Variants in QTGAL observed in about 807,000 individuals in gnomAD.
The protein encoded by QTGAL is BGnT-like protein 1.
chr17:82,995,361 C>CA, the QTGAL span, among the ~76,000 whole-genome samples: 3 of 151,746 alleles, frequency 2.0e-5, no homozygotes, highest in African/African-American at 4.8e-5. Flanking sequence ...AATCAACATA[C>CA]AAAAGTCAGT....
At chr17:82,974,465 C>T in the QTGAL span, among the ~76,000 whole-genome samples, 6 of 152,196 alleles carry the variant, frequency 3.9e-5, no homozygotes, top group African/African-American at 1.2e-4. Flanking sequence ...TCAGGCGGGG[C>T]GGAGTCAGGG....
the QTGAL span, among the ~76,000 whole-genome samples, chr17:83,027,692 ACG>A: frequency 8.6e-6 from 1 of 116,346 alleles, no homozygotes. Context: ...ACAAAGTGAG[ACG>A]CTCTCAAAAA....
At chr17:82,961,076 C>T in the QTGAL span, 36 of 1,609,842 alleles carry the variant, frequency 2.2e-5, no homozygotes, top group Non-Finnish European at 3.1e-5. Context: ...CAGTGCGTGG[C>T]CGCCTGTGGG....
At chr17:82,964,802 T>C in the QTGAL span, among the ~76,000 whole-genome samples, 24,874 of 34,838 alleles carry the variant, frequency 0.71, 9,247 homozygotes, top group Admixed American at 0.76. Flanking sequence ...CACGGGGGGA[T>C]GGGGACACGG....
the QTGAL span, among the ~76,000 whole-genome samples, chr17:83,032,430 G>A: frequency 3.3e-5 from 2 of 59,960 alleles, no homozygotes; most frequent in Non-Finnish European, 6.2e-5. Context: ...GGCCTCCGAC[G>A]CAGACCGAAC....
the QTGAL span, among the ~76,000 whole-genome samples, chr17:82,956,204 G>T: frequency 6.6e-6 from 1 of 151,888 alleles, no homozygotes; most frequent in African/African-American, 2.4e-5. This position sits in a 1 kb window ranked among gnomAD's most constrained non-coding sequence, Gnocchi z 5.7. Flanking sequence ...CCCGCAGCCA[G>T]CCTGGACTCC....
the QTGAL span, among the ~76,000 whole-genome samples, chr17:82,971,063 C>CAT: frequency 6.6e-6 from 1 of 152,108 alleles, no homozygotes; most frequent in Non-Finnish European, 1.5e-5. Flanking sequence ...CTGTGGGAGG[C>CAT]ATTCATCCGT....
the QTGAL span, among the ~76,000 whole-genome samples, chr17:82,966,877 C>T: frequency 9.2e-5 from 14 of 152,170 alleles, no homozygotes; most frequent in African/African-American, 3.1e-4. Flanking sequence ...GCAAAGAAAA[C>T]GAAAAGATAA....
the QTGAL span, chr17:82,956,684 C>A: frequency 5.1e-6 from 8 of 1,565,754 alleles, no homozygotes; most frequent in Non-Finnish European, 6.9e-6. This position sits in a 1 kb window ranked among gnomAD's most constrained non-coding sequence, Gnocchi z 5.7. Flanking sequence ...GGCCAAGGGC[C>A]CCACACTCAC....
At chr17:83,027,041 G>C in the QTGAL span, among the ~76,000 whole-genome samples, 1 of 139,270 alleles carries the variant, frequency 7.2e-6, no homozygotes, top group Non-Finnish European at 1.5e-5. Flanking sequence ...ACCCACCCTC[G>C]ACAGACACGC....
the QTGAL span, among the ~76,000 whole-genome samples, chr17:83,042,597 G>A: frequency 6.6e-6 from 1 of 152,106 alleles, no homozygotes; most frequent in Non-Finnish European, 1.5e-5. Context: ...TCGGAAATAA[G>A]CAATTAAACA....
the QTGAL span, chr17:83,005,726 C>G: frequency 1.3e-6 from 1 of 747,194 alleles, no homozygotes; most frequent in Non-Finnish European, 2.3e-6. The surrounding 1 kb of genome is among the most constrained non-coding windows in gnomAD (Gnocchi z 5.6). Flanking sequence ...CGACAACCCT[C>G]TCCCCGGGCA....
chr17:83,011,805 T>C, the QTGAL span, among the ~76,000 whole-genome samples: 3 of 152,216 alleles, frequency 2.0e-5, no homozygotes, highest in Non-Finnish European at 4.4e-5. Context: ...AAATTAAGCT[T>C]GTCTTATTAC....
chr17:83,050,237 G>T, the QTGAL span, among the ~76,000 whole-genome samples: 2 of 152,166 alleles, frequency 1.3e-5, no homozygotes, highest in Admixed American at 6.5e-5. Context: ...TGGTGTGGTG[G>T]TGCATGCCTG....
the QTGAL span, among the ~76,000 whole-genome samples, chr17:82,955,836 A>T: frequency 5.3e-5 from 8 of 152,314 alleles, no homozygotes; most frequent in East Asian, 1.5e-3. Flanking sequence ...GAATGAGTTC[A>T]TGTCCTTTGC....
At chr17:82,986,251 C>T in the QTGAL span, among the ~76,000 whole-genome samples, 1 of 152,180 alleles carries the variant, frequency 6.6e-6, no homozygotes, top group Admixed American at 6.5e-5. Context: ...CTGCGGCAGC[C>T]CGACCCCGTG....
the QTGAL span, chr17:82,957,148 A>G: frequency 6.2e-7 from 1 of 1,613,460 alleles, no homozygotes; most frequent in Non-Finnish European, 8.5e-7. Context: ...CAGGTGGTTG[A>G]CCCCAAGGGT....
the QTGAL span, chr17:82,947,201 GC>G: frequency 2.5e-5 from 13 of 518,104 alleles, no homozygotes; most frequent in East Asian, 6.3e-5. Context: ...CAGAGGGGAG[GC>G]CCCCCCTGCC....
At chr17:83,020,624 C>T in the QTGAL span, among the ~76,000 whole-genome samples, 1 of 152,316 alleles carries the variant, frequency 6.6e-6, no homozygotes, top group East Asian at 1.9e-4. Context: ...ACCAGCCCAC[C>T]TGCCCATCGG....
Sources: gnomAD v4.1 joint callset for allele counts (sites outside exome capture counted in the v4.1 genomes callset) on GRCh38, gnomAD v4.1.1 for gene constraint, Gnocchi (gnomAD v3.1) non-coding constraint, MANE v1.5 for transcripts, NCBI Gene and HGNC (gene_info 2026-07-23, HGNC 2026-07-21) for gene names.